Variants in SLCO5A1 observed in about 807,000 individuals in gnomAD.
SLCO5A1 encodes solute carrier organic anion transporter family member 5A1, also known as organic anion transporter polypeptide-related protein 4.
SLCO5A1 carries 39 observed loss-of-function variants against 65.1 expected under a neutral mutation model. The observed-to-expected ratio is 0.60, with a 90% CI of 0.46 to 0.78. The LOEUF is 0.78. Ranked by LOEUF, SLCO5A1 falls within the 30% of genes least tolerant of loss-of-function variation. The pLI, the probability that SLCO5A1 is intolerant of heterozygous loss-of-function variation, is 0.00. For missense variants in SLCO5A1, 1,029 were observed against 1,069.4 expected, an observed-to-expected ratio of 0.96 and a Z score of 0.53; for synonymous variants, 438 against 415.7, an observed-to-expected ratio of 1.05 and a Z score of -0.65.
chr8:69,706,189 A>C (rs760812194), intron 5 of SLCO5A1, among the ~76,000 whole-genome samples: 1 of 152,254 alleles, frequency 6.6e-6, no homozygotes, highest in Non-Finnish European at 1.5e-5. Flanking sequence ...AGCAGAATGC[A>C]CAAGACATCA....
At chr8:69,705,706 G>A (rs1814939687) in intron 5 of SLCO5A1, among the ~76,000 whole-genome samples, 1 of 152,190 alleles carries the variant, frequency 6.6e-6, no homozygotes, top group Non-Finnish European at 1.5e-5. Flanking sequence ...ATGTACGAAT[G>A]TAATGTATAA....
intron 5 of SLCO5A1, among the ~76,000 whole-genome samples, chr8:69,723,973 A>G (rs986916073): frequency 6.6e-6 from 1 of 152,132 alleles, no homozygotes; most frequent in Admixed American, 6.5e-5. Context: ...GGGTTTCCCC[A>G]TGTTGGCCAG....
At chr8:69,680,770 T>A (rs1010071185) in intron 7 of SLCO5A1, among the ~76,000 whole-genome samples, 13 of 152,166 alleles carry the variant, frequency 8.5e-5, no homozygotes, top group African/African-American at 3.1e-4. Flanking sequence ...ATCTTTGAAG[T>A]CCCTTTAGTT....
chr8:69,808,440 T>C (rs1820097789), intron 2 of SLCO5A1, among the ~76,000 whole-genome samples: 1 of 152,186 alleles, frequency 6.6e-6, no homozygotes, highest in Non-Finnish European at 1.5e-5. Flanking sequence ...AATCCTGTGT[T>C]AGTTTGCTAA....
chr8:69,677,394 A>G (rs115476147), intron 8 of SLCO5A1, among the ~76,000 whole-genome samples: 2,872 of 152,310 alleles, frequency 0.019, 82 homozygotes, highest in African/African-American at 0.065. Flanking sequence ...AAAGTAGCCA[A>G]TGGGTTATTT....
intron 4 of SLCO5A1, among the ~76,000 whole-genome samples, chr8:69,740,717 C>A (rs1816756717): frequency 6.6e-6 from 1 of 152,126 alleles, no homozygotes; most frequent in South Asian, 2.1e-4. Context: ...CAAGATAAGC[C>A]TAGAAAATCT....
At chr8:69,798,915 T>C (rs1009473431) in intron 2 of SLCO5A1, among the ~76,000 whole-genome samples, 1 of 152,224 alleles carries the variant, frequency 6.6e-6, no homozygotes, top group Non-Finnish European at 1.5e-5. Flanking sequence ...TTGACAACAA[T>C]AGAAGATTAA....
intron 4 of SLCO5A1, among the ~76,000 whole-genome samples, chr8:69,751,184 T>C (rs559003720): frequency 1.3e-5 from 2 of 152,296 alleles, no homozygotes; most frequent in South Asian, 4.1e-4. Flanking sequence ...CACCAAAAGT[T>C]TTTTAGATAG....
At position 69,831,909 on chromosome 8, in the gene SLCO5A1, C is replaced by G; in HGVS notation, c.765G>C (p.Ser255=). The G allele has an allele frequency of 6.2e-7, 1 of 1,608,520 alleles. No individual in the cohort carries two copies. Among genetic ancestry groups the G allele is most frequent in the South Asian group, 1.1e-5 (1 of 90,024 alleles). ...TLEPPACPKD[S]GGNNHWVYVA... is the part of the protein sequence containing the mutation. ...CGTAGACCCAGTGATTATTTCCTCC[C>G]GAGTCCTTCGGACAGGCCGGAGGCT... is the stretch of plus-strand genomic sequence containing the variant. The change falls in exon 2 of 10, where the codon TCG becomes TCC. Residue 255 remains serine (S), a synonymous_variant. Coordinates refer to ENST00000260126, the MANE Select transcript of SLCO5A1 (RefSeq NM_030958.3).
At chr8:69,774,543 G>A (rs1189844237) in intron 2 of SLCO5A1, among the ~76,000 whole-genome samples, 1 of 152,094 alleles carries the variant, frequency 6.6e-6, no homozygotes, top group African/African-American at 2.4e-5. Context: ...ATTGCCCATG[G>A]CTCCCCCATA....
Position 69,799,513 on chromosome 8 carries a change from T to G in SLCO5A1, c.907+32254A>C, listed in dbSNP as rs1255093988. On this transcript the variant is annotated intron_variant, in intron 2 of 9. Transcript: ENST00000260126. ...GATCTAGGAAGTTTTTATTTGTCCA[T>G]AATATTCTCTTGATTCCTATAAAGG... Among the ~76,000 whole-genome samples, 3 of 152,210 alleles carry G rather than the reference T, an allele frequency of 2.0e-5. No individual in the cohort carries two copies. In the East Asian group the frequency reaches 5.8e-4, roughly 29 times the overall value.
intron 2 of SLCO5A1, among the ~76,000 whole-genome samples, chr8:69,773,370 C>T (rs192229716): frequency 2.0e-5 from 3 of 152,318 alleles, no homozygotes; most frequent in Admixed American, 6.5e-5. Context: ...AGGGCAGGCT[C>T]CAGCATCTAG....
intron 2 of SLCO5A1, among the ~76,000 whole-genome samples, chr8:69,804,092 G>A (rs1819878749): frequency 6.6e-6 from 1 of 152,150 alleles, no homozygotes; most frequent in African/African-American, 2.4e-5. Flanking sequence ...TTAGGAAAGA[G>A]TTGCCTTCCT....
intron 2 of SLCO5A1, among the ~76,000 whole-genome samples, chr8:69,791,004 T>A (rs1302852182): frequency 6.6e-6 from 1 of 152,034 alleles, no homozygotes; most frequent in East Asian, 1.9e-4. Flanking sequence ...CCTTCCAATG[T>A]TACTTACATA....
At position 69,672,775 on chromosome 8, in the gene SLCO5A1, T is replaced by TAAA; in HGVS notation, c.*91_*93dup. Reference sequence around the variant, plus strand: ...GTTTGAGGATTGTGTCTGTAGAGGTTAAAAAAAAGAAAGAAAGAAAAGAAG... The same window carrying TAAA: ...GTTTGAGGATTGTGTCTGTAGAGGTTAAAAAAAAAAAGAAAGAAAGAAAAGAAG... On this transcript the variant is annotated 3_prime_UTR_variant, in exon 10 of 10. Transcript: ENST00000260126. 7.4e-7 allele frequency: 1 copy of TAAA among 1,358,832 alleles called. No homozygotes were observed. Among genetic ancestry groups the TAAA allele is most frequent in the South Asian group, 1.5e-5 (1 of 67,720 alleles). The allele number at this position is 1,358,832 out of a possible 1,614,324, so 84.2% of individuals were successfully genotyped here. A position where few individuals can be genotyped will look rare whatever the true frequency, so the allele number is the denominator to read the frequency against.
At chr8:69,696,925 T>C (rs1278283487) in intron 6 of SLCO5A1, among the ~76,000 whole-genome samples, 1 of 151,738 alleles carries the variant, frequency 6.6e-6, no homozygotes, top group African/African-American at 2.4e-5. Flanking sequence ...TACATAAAGA[T>C]AGAAAACAAG....
intron 5 of SLCO5A1, among the ~76,000 whole-genome samples, chr8:69,730,132 C>G (rs987816039): frequency 6.6e-6 from 1 of 152,332 alleles, no homozygotes; most frequent in Middle Eastern, 3.4e-3. Context: ...GAAACTGAGA[C>G]TCTGAGTGGG....
chr8:69,793,063 C>A (rs1387869776), intron 2 of SLCO5A1, among the ~76,000 whole-genome samples: 1 of 151,998 alleles, frequency 6.6e-6, no homozygotes, highest in Non-Finnish European at 1.5e-5. Context: ...CTCACTGCAG[C>A]CTCCGCCTCC....
chr8:69,809,712 A>G (rs1228519405), intron 2 of SLCO5A1, among the ~76,000 whole-genome samples: 1 of 151,628 alleles, frequency 6.6e-6, no homozygotes, highest in Non-Finnish European at 1.5e-5. Flanking sequence ...ATGGAAATAC[A>G]GCTACCGATC....
Sources: allele counts gnomAD v4.1 joint callset (sites outside exome capture counted in the v4.1 genomes callset), GRCh38; gene constraint gnomAD v4.1.1; transcripts MANE v1.5; gene names NCBI Gene and HGNC (gene_info 2026-07-23, HGNC 2026-07-21).